The following SIPA1L2 variants were observed in gnomAD, a reference collection of about 807,000 sequenced individuals.
SIPA1L2 encodes signal-induced proliferation-associated 1-like protein 2.
In SIPA1L2, 56 loss-of-function variants were observed where a neutral mutation model predicts 163.9. The ratio of observed to expected loss-of-function variants is 0.34; its 90% CI spans 0.28 to 0.43. SIPA1L2 has a LOEUF of 0.43. SIPA1L2 is among the 20% of genes least tolerant of loss of function. The probability of loss-of-function intolerance (pLI) is 1.00; values close to 1 mark genes in which losing one functional copy is unlikely to be tolerated. For synonymous variants in SIPA1L2, 877 were observed against 865.7 expected (o/e 1.01, Z -0.23); for missense variants, 1,974 against 2,193.5 (o/e 0.90, Z 2.00).
At chr1:232,475,204 C>T (rs527428890) in intron 7 of SIPA1L2, among the ~76,000 whole-genome samples, 1 of 152,326 alleles carries the variant, frequency 6.6e-6, no homozygotes, top group African/African-American at 2.4e-5. Context: ...TCCCTTCCTA[C>T]CTCTCCGACC....
At chr1:232,498,436 G>A (rs953466056) in intron 3 of SIPA1L2, among the ~76,000 whole-genome samples, 14 of 152,098 alleles carry the variant, frequency 9.2e-5, no homozygotes, top group East Asian at 1.9e-4. Context: ...ATGTCCTACC[G>A]CTGTAACAAA....
chr1:232,484,263 A>C (rs554231088), intron 5 of SIPA1L2, among the ~76,000 whole-genome samples: 2 of 152,346 alleles, frequency 1.3e-5, no homozygotes, highest in African/African-American at 4.8e-5. Flanking sequence ...AGGTTCAAGT[A>C]TCTACTTAAA....
At chr1:232,573,651 T>C (rs1476733624) in intron 2 of SIPA1L2, among the ~76,000 whole-genome samples, 1 of 152,126 alleles carries the variant, frequency 6.6e-6, no homozygotes, top group Non-Finnish European at 1.5e-5. Context: ...GCCTTTATTC[T>C]GCAGCCAAGG....
intron 2 of SIPA1L2, among the ~76,000 whole-genome samples, chr1:232,570,945 TAAAA>T (rs11300623): frequency 6.5e-5 from 5 of 76,790 alleles, no homozygotes; most frequent in African/African-American, 2.0e-4. Context: ...CCAGAAACTA[TAAAA>T]AAAAAAAAAA....
intron 2 of SIPA1L2, among the ~76,000 whole-genome samples, chr1:232,558,776 A>C (rs1198857507): frequency 1.3e-5 from 2 of 152,146 alleles, no homozygotes; most frequent in Non-Finnish European, 2.9e-5. Flanking sequence ...TTTCTACACC[A>C]TGTGCATCAA....
intron 1 of SIPA1L2, among the ~76,000 whole-genome samples, chr1:232,602,045 G>A (rs1661623109): frequency 6.6e-6 from 1 of 152,154 alleles, no homozygotes; most frequent in Admixed American, 6.5e-5. Flanking sequence ...CCCTCGCATG[G>A]AGAAGGTGGC....
intron 10 of SIPA1L2, among the ~76,000 whole-genome samples, chr1:232,460,323 T>C (rs1231171500): frequency 1.3e-5 from 2 of 152,208 alleles, no homozygotes. Context: ...CCTTTTCATC[T>C]ATTTCTCCTG....
chr1:232,515,346 C>G lies in SIPA1L2; in HGVS notation c.-7G>C. The G allele has an allele frequency of 1.3e-6, 2 of 1,567,494 alleles. No homozygotes were observed. Among genetic ancestry groups the G allele is most frequent in the Non-Finnish European group, 1.7e-6 (2 of 1,157,080 alleles). ...ACTGCCTTGGGTCACTCATGTCTAC[C>G]GAGGAAGAGCCTCCAAGTCTCACCA... On this transcript the variant is annotated 5_prime_UTR_variant, in exon 3 of 23. Coordinates refer to ENST00000674635, the MANE Select transcript of SIPA1L2 (RefSeq NM_020808.5).
chr1:232,413,779 G>C (rs922261848), intron 19 of SIPA1L2, among the ~76,000 whole-genome samples: 1 of 152,208 alleles, frequency 6.6e-6, no homozygotes, highest in Non-Finnish European at 1.5e-5. Flanking sequence ...AATTCAGTGC[G>C]TTCAGTACTC....
At chr1:232,540,157 A>G (rs1211900353) in intron 2 of SIPA1L2, among the ~76,000 whole-genome samples, 1 of 152,066 alleles carries the variant, frequency 6.6e-6, no homozygotes, top group Non-Finnish European at 1.5e-5. Context: ...TACAAAATTT[A>G]GCCGGGCGTG....
chr1:232,433,641 G>T (rs954090694), intron 15 of SIPA1L2, among the ~76,000 whole-genome samples: 6 of 152,160 alleles, frequency 3.9e-5, no homozygotes, highest in African/African-American at 1.4e-4. Flanking sequence ...GGCTGACTGA[G>T]AAATTAAGTG....
In SIPA1L2 at chr1:232,544,798, A is replaced by G. The variant is rs145227569; in HGVS notation, c.-269-29190T>C. On this transcript the variant is annotated intron_variant, in intron 2 of 22. Coordinates refer to ENST00000674635, the MANE Select transcript of SIPA1L2 (RefSeq NM_020808.5). ...GTCTTCTTGCACAAAAAGACAGATA[A>G]GCACCAGGTGCCTAAAACTTTATCA... Among the ~76,000 whole-genome samples the G allele has an allele frequency of 8.9e-3, 1,361 of 152,292 alleles. 25 individuals carry two copies. Among genetic ancestry groups the G allele is most frequent in the African/African-American group, 0.031 (1,303 of 41,550 alleles).
At chr1:232,535,799 T>C (rs906893460) in intron 2 of SIPA1L2, among the ~76,000 whole-genome samples, 2 of 152,226 alleles carry the variant, frequency 1.3e-5, no homozygotes, top group Non-Finnish European at 2.9e-5. Context: ...GTATTATGAA[T>C]GTTGAAAAGC....
chr1:232,495,442 A>G (rs761897343), intron 3 of SIPA1L2, among the ~76,000 whole-genome samples: 10 of 151,712 alleles, frequency 6.6e-5, no homozygotes, highest in Non-Finnish European at 1.2e-4. Flanking sequence ...GCAGGTGCCT[A>G]TAGTCCCAGC....
rs1160881157 is a variant in SIPA1L2 at position 232,439,170 on chromosome 1, G to C, written c.3969C>G (p.Ile1323Met). The C allele has an allele frequency of 1.9e-6, 3 of 1,613,340 alleles. No individual in the cohort carries two copies. The African/African-American group carries it at 4.0e-5, about 22-fold the overall frequency. The change falls in exon 15 of 23, where the codon ATC becomes ATG. Residue 1323 changes from isoleucine to methionine, a missense_variant. Around this residue, in one of 3 missense-constraint regions of SIPA1L2, gnomAD observed 1,079 missense variants for 1,150.7 expected, o/e 0.94. Coordinates refer to ENST00000674635, the MANE Select transcript of SIPA1L2 (RefSeq NM_020808.5). ...TGCCTTCCGCAGCACTGCCGGCGGA[G>C]ATGGTGGACGCGTAGCCATGCACAG... is the stretch of plus-strand genomic sequence containing the variant. ...LYSVHGYAST[I>M]SAGSAAEGSM...
chr1:232,553,811 G>A (rs1160730819), intron 2 of SIPA1L2, among the ~76,000 whole-genome samples: 1 of 152,102 alleles, frequency 6.6e-6, no homozygotes. Context: ...AATTCCAAGA[G>A]TACAAACACA....
rs764516049 is a variant in SIPA1L2, at chr1:232,465,244, G to T, written c.2416C>A (p.Gln806Lys). 5.0e-6 allele frequency: 8 copies of T among 1,614,122 alleles called. No individual in the cohort carries two copies. In the Admixed American group the frequency reaches 8.3e-5, roughly 17 times the overall value. Reference protein sequence around the residue: ...KFRAMATRTRQEYLKDLAENF... With the variant: ...KFRAMATRTRKEYLKDLAENF... The stretch of plus-strand genomic sequence containing the variant: ...TCCGCCAGATCTTTCAAGTACTCCT[G>T]CCTCGTTCGAGTGGCCATTGCTCGA... The change falls in exon 9 of 23, where the codon CAG becomes AAG. Residue 806 changes from glutamine (Q) to lysine (K), a missense_variant. Coordinates refer to ENST00000674635, the MANE Select transcript of SIPA1L2 (RefSeq NM_020808.5). This position sits in a 1 kb window ranked among gnomAD's most constrained non-coding sequence, Gnocchi z 4.1.
At chr1:232,419,516 A>G (rs1354618498) in intron 18 of SIPA1L2, among the ~76,000 whole-genome samples, 1 of 152,126 alleles carries the variant, frequency 6.6e-6, no homozygotes, top group African/African-American at 2.4e-5. Context: ...GCTTGATGCT[A>G]TTCTCATGAT....
At chr1:232,588,431 CTGATTCATGACAAGAATTTTT>C (rs531758548) in intron 1 of SIPA1L2, among the ~76,000 whole-genome samples, 233 of 152,278 alleles carry the variant, frequency 1.5e-3, no homozygotes, top group African/African-American at 5.3e-3. Context: ...TAAGAATTTT[CTGATTCATGACAAGAATTTTT>C]GATATTACAA....
Sources: allele counts gnomAD v4.1 joint callset (sites outside exome capture counted in the v4.1 genomes callset), GRCh38; gene constraint gnomAD v4.1.1; regional missense constraint gnomAD v4.1.1; non-coding constraint Gnocchi (gnomAD v3.1); transcripts MANE v1.5; gene names NCBI Gene and HGNC (gene_info 2026-07-23, HGNC 2026-07-21).